OTULINL: variants seen among roughly 807,000 people sequenced by gnomAD.
OTULINL encodes OTU deubiquitinase with linear linkage specificity like.
OTULINL carries 42 observed loss-of-function variants against 43.9 expected under a neutral mutation model. That is an observed-to-expected ratio of 0.96 (90% CI 0.75 to 1.24). The LOEUF is 1.24. OTULINL is among the 50% of genes most tolerant of loss of function. The pLI, the probability that OTULINL is intolerant of heterozygous loss-of-function variation, is 0.00. For missense variants in OTULINL, 411 were observed against 426.4 expected (o/e 0.96, Z 0.32); for synonymous variants, 172 against 153.6 (o/e 1.12, Z -0.88).
At chr5:14,609,303 G>C (rs1759534133) in intron 7 of OTULINL, among the ~76,000 whole-genome samples, 1 of 152,168 alleles carries the variant, frequency 6.6e-6, no homozygotes, top group African/African-American at 2.4e-5. Context: ...TCACATAGAC[G>C]TTCACCAGGA....
chr5:14,609,939 A>T (rs1759549581), intron 7 of OTULINL, among the ~76,000 whole-genome samples: 1 of 152,184 alleles, frequency 6.6e-6, no homozygotes, highest in Non-Finnish European at 1.5e-5. Flanking sequence ...ATGCTAGTCT[A>T]CAGAGTTGTT....
At chr5:14,588,114 C>T (rs1208538168) in intron 1 of OTULINL, among the ~76,000 whole-genome samples, 1 of 152,192 alleles carries the variant, frequency 6.6e-6, no homozygotes, top group Non-Finnish European at 1.5e-5. Flanking sequence ...CTTCCATACA[C>T]ACTTAGGGCA....
In OTULINL at chr5:14,601,204, A is replaced by G. The variant is rs774770807; in HGVS notation, c.225-9A>G. On this transcript the variant is annotated splice_polypyrimidine_tract_variant and intron_variant, in intron 2 of 7. Transcript: ENST00000274217. Reference sequence around the variant, plus strand: ...AATTCTGATATTATTGTTCCCTTTTATCTTTCAGGTGGATTGGATATCTGC... The same window carrying G: ...AATTCTGATATTATTGTTCCCTTTTGTCTTTCAGGTGGATTGGATATCTGC... 2.5e-6 allele frequency: 4 copies of G among 1,611,864 alleles called. No homozygotes were observed. Among genetic ancestry groups the G allele is most frequent in the East Asian group, 2.2e-5 (1 of 44,876 alleles).
At position 14,614,543 on chromosome 5, in the gene OTULINL, A is replaced by C. The variant is rs1379059267; in HGVS notation, c.*4229A>C. 15 of 398,486 alleles carry C rather than the reference A, an allele frequency of 3.8e-5. No homozygotes were observed. Among genetic ancestry groups the C allele is most frequent in the East Asian group, 2.1e-4 (6 of 28,094 alleles). 24.7% of individuals were successfully genotyped at this position (398,486 alleles called of 1,614,324 possible). ...CATATTCCTTTAGGCCAAGAAAAGG[A>C]AAGCTGATTTGGATTATATTTATGC... On this transcript the variant is annotated 3_prime_UTR_variant, in exon 8 of 8. Transcript: ENST00000274217.
At position 14,583,619 on chromosome 5, in the gene OTULINL, G is replaced by T. The variant is rs192216655; in HGVS notation, c.64+1661G>T. On this transcript the variant is annotated intron_variant, in intron 1 of 7. Coordinates refer to ENST00000274217, the MANE Select transcript of OTULINL (RefSeq NM_019018.3). ...AGCCCAGGGAGAGATTCTTTCCTCT[G>T]CTCCAATTGTGGGATCTGCAGTTGG... Among the ~76,000 whole-genome samples, 145 of 152,258 alleles carry T rather than the reference G, an allele frequency of 9.5e-4. 1 individual carries two copies. The highest frequency in any genetic ancestry group is 2.9e-3 in the African/African-American group (122 of 41,548).
intron 5 of OTULINL, among the ~76,000 whole-genome samples, chr5:14,603,509 G>A (rs549992289): frequency 6.6e-6 from 1 of 152,258 alleles, no homozygotes; most frequent in Admixed American, 6.5e-5. Flanking sequence ...TCAGGTTTTT[G>A]TTTTTAGCCA....
intron 1 of OTULINL, among the ~76,000 whole-genome samples, chr5:14,599,263 C>T (rs775901639): frequency 3.9e-5 from 6 of 151,980 alleles, no homozygotes; most frequent in Non-Finnish European, 7.4e-5. Flanking sequence ...CTGAGGTGGG[C>T]GGGTTGCCTG....
At chr5:14,586,319 CT>C (rs2126768984) in intron 1 of OTULINL, among the ~76,000 whole-genome samples, 1 of 152,246 alleles carries the variant, frequency 6.6e-6, no homozygotes, top group African/African-American at 2.4e-5. Context: ...ACTTTTTATG[CT>C]AGTAATAGTC....
At position 14,607,329 on chromosome 5, in the gene OTULINL, G is replaced by C. The variant is rs746023416; in HGVS notation, c.499-1G>C. On this transcript the variant is annotated splice_acceptor_variant, in intron 5 of 7. Coordinates refer to ENST00000274217, the MANE Select transcript of OTULINL (RefSeq NM_019018.3). LOFTEE classifies it high-confidence loss of function. Reference sequence around the variant, plus strand: ...TAGTTGGCATCTACTTCCTTTTCAAGCTTCCTGAAAAACTGCTGTTTTCAC... The same window carrying C: ...TAGTTGGCATCTACTTCCTTTTCAACCTTCCTGAAAAACTGCTGTTTTCAC... The C allele has an allele frequency of 6.2e-7, 1 of 1,612,176 alleles. No individual in the cohort carries two copies. Among genetic ancestry groups the C allele is most frequent in the Non-Finnish European group, 8.5e-7 (1 of 1,179,586 alleles).
intron 1 of OTULINL, among the ~76,000 whole-genome samples, chr5:14,593,192 G>A (rs1759234169): frequency 6.6e-6 from 1 of 152,174 alleles, no homozygotes; most frequent in Non-Finnish European, 1.5e-5. Context: ...TCAATAAAGA[G>A]AGAAACATTC....
chr5:14,602,332 G>C lies in OTULINL; in HGVS notation c.498G>C (p.Lys166Asn), dbSNP rs1759403240. Residue 166 changes from lysine to asparagine, a missense_variant and splice_region_variant, in exon 5 of 8, where the codon AAG (lysine) becomes AAC (asparagine). By Grantham distance (94) the Lys-to-Asn change is moderately conservative. Transcript: ENST00000274217. The part of the protein sequence containing the change: ...PSWMKEKDIV[K>N]LPEKLLFSQG... ...GGATGAAAGAAAAGGACATTGTTAA[G>C]GTATGTCTTCCCCCTGGAAATGTGG... is the stretch of plus-strand genomic sequence containing the variant. 8.7e-6 allele frequency: 14 copies of C among 1,611,534 alleles called. No homozygotes were observed. The highest frequency in any genetic ancestry group is 1.1e-5 in the Non-Finnish European group (13 of 1,179,234).
chr5:14,588,385 G>T (rs1759143415), intron 1 of OTULINL, among the ~76,000 whole-genome samples: 1 of 152,032 alleles, frequency 6.6e-6, no homozygotes, highest in South Asian at 2.1e-4. Context: ...GACTCCCTCA[G>T]TTCCCTCCTC....
chr5:14,602,978 G>A (rs964289595), intron 5 of OTULINL, among the ~76,000 whole-genome samples: 1 of 152,082 alleles, frequency 6.6e-6, no homozygotes, highest in Non-Finnish European at 1.5e-5. Context: ...GTATACTTTG[G>A]TAGTCCATCC....
intron 4 of OTULINL, among the ~76,000 whole-genome samples, chr5:14,601,653 C>G (rs192475324): frequency 6.6e-6 from 1 of 152,226 alleles, no homozygotes; most frequent in Non-Finnish European, 1.5e-5. Context: ...GGGCTCAGGT[C>G]GATGAGGTCT....
chr5:14,590,343 G>A (rs1015169319), intron 1 of OTULINL, among the ~76,000 whole-genome samples: 5 of 152,196 alleles, frequency 3.3e-5, no homozygotes, highest in Admixed American at 6.5e-5. Context: ...GCCAGGGCCA[G>A]GGTCCTGGGG....
intron 1 of OTULINL, among the ~76,000 whole-genome samples, chr5:14,600,432 C>T (rs1268668672): frequency 2.0e-5 from 3 of 152,212 alleles, no homozygotes; most frequent in African/African-American, 4.8e-5. Flanking sequence ...CATCGCTAGA[C>T]GTCACCTGGT....
intron 6 of OTULINL, 147 bp downstream of exon 6, chr5:14,607,605 C>T: frequency 1.0e-6 from 1 of 969,776 alleles, no homozygotes; most frequent in Non-Finnish European, 1.5e-6. Flanking sequence ...GATGATTTCC[C>T]TCCTTATTCT....
In OTULINL at chr5:14,581,877, G is replaced by T. The variant is rs2126765488; in HGVS notation, c.-18G>T. 7.1e-7 allele frequency: 1 copy of T among 1,407,322 alleles called. No homozygotes were observed. The highest frequency in any genetic ancestry group is 9.3e-7 in the Non-Finnish European group (1 of 1,080,782). The allele number at this position is 1,407,322 out of a possible 1,614,324, so 87.2% of individuals were successfully genotyped here. A position where few individuals can be genotyped will look rare whatever the true frequency, so the allele number is the denominator to read the frequency against. On this transcript the variant is annotated 5_prime_UTR_variant, in exon 1 of 8. Coordinates refer to ENST00000274217, the MANE Select transcript of OTULINL (RefSeq NM_019018.3). ...GACCACGGGCCGAGGCCCAGCGCCCGTCCGCAGCGCGGCCGGCATGGCGGC... is the reference window on the plus strand; with the variant it reads ...GACCACGGGCCGAGGCCCAGCGCCCTTCCGCAGCGCGGCCGGCATGGCGGC...
At chr5:14,581,993 C>A (rs1759008680) in intron 1 of OTULINL, 35 bp downstream of exon 1, 1 of 1,235,502 alleles carries the variant, frequency 8.1e-7, no homozygotes, top group Non-Finnish European at 1.0e-6. Flanking sequence ...GGGCGGGGGG[C>A]GCGAGCAGGG....
Sources: gnomAD v4.1 joint callset for allele counts (sites outside exome capture counted in the v4.1 genomes callset) on GRCh38, gnomAD v4.1.1 for gene constraint, MANE v1.5 for transcripts, NCBI Gene and HGNC (gene_info 2026-07-23, HGNC 2026-07-21) for gene names.